The following SCN1A variants were observed in gnomAD, a reference collection of about 807,000 sequenced individuals.
SCN1A encodes sodium channel protein type 1 subunit alpha.
A neutral mutation model predicts 193.7 loss-of-function variants in SCN1A; 13 were observed. The ratio of observed to expected loss-of-function variants is 0.07; its 90% CI spans 0.04 to 0.11. The LOEUF (loss-of-function observed/expected upper bound fraction) is 0.11. SCN1A is among the 10% of genes least tolerant of loss of function. The pLI is 1.00. For synonymous variants in SCN1A, 781 were observed against 843.6 expected (o/e 0.93, Z 1.29); for missense variants, 1,432 against 2,451.1 (o/e 0.58, Z 8.78).
chr2:166,122,698 C>T (rs1299051696), intron 2 of SCN1A, among the ~76,000 whole-genome samples: 4 of 152,058 alleles, frequency 2.6e-5, no homozygotes, highest in Admixed American at 6.5e-5. Flanking sequence ...TGCTGAACCC[C>T]TACCTCACAT....
intron 24 of SCN1A, among the ~76,000 whole-genome samples, chr2:166,000,725 A>AAG (rs374979320): frequency 1.3e-5 from 2 of 151,684 alleles, no homozygotes; most frequent in Non-Finnish European, 3.0e-5. Flanking sequence ...TTGTATATGA[A>AAG]AGAGAGAGAG....
At chr2:166,099,028 C>T (rs1381372000) in intron 2 of SCN1A, among the ~76,000 whole-genome samples, 2 of 152,052 alleles carry the variant, frequency 1.3e-5, no homozygotes, top group Non-Finnish European at 2.9e-5. Flanking sequence ...TCATATAAAA[C>T]CCAAAAAGAT....
intron 24 of SCN1A, among the ~76,000 whole-genome samples, chr2:166,001,242 C>T (rs1490122507): frequency 1.3e-5 from 2 of 151,722 alleles, no homozygotes; most frequent in African/African-American, 4.8e-5. Context: ...CCAGCTTTGG[C>T]CTCCCAAAGA....
At chr2:166,136,560 G>T (rs568396669) in intron 1 of SCN1A, among the ~76,000 whole-genome samples, 3 of 151,878 alleles carry the variant, frequency 2.0e-5, no homozygotes, top group Non-Finnish European at 4.4e-5. Flanking sequence ...CTCCTCTCTT[G>T]GGCATCACAA....
chr2:166,015,920 A>G (rs1452051974), intron 19 of SCN1A, 193 bp from the exon 20 acceptor site: 1 of 606,720 alleles, frequency 1.6e-6, no homozygotes, highest in Non-Finnish European at 2.8e-6. Context: ...ACCATAATTC[A>G]CAATGTAAGC....
rs908195203 is a variant in SCN1A, at chr2:166,134,588, C to T, written c.-50+14459G>A. 3.9e-5 allele frequency among the ~76,000 whole-genome samples: 6 copies of T among 152,272 alleles called. No homozygotes were observed. In the East Asian group the frequency reaches 5.8e-4, roughly 15 times the overall value. ...CACAAAGTACTCAAGCCCAAGGGCACGAGCTCTGGGTATGCAGAGTGTAGC... is the reference window on the plus strand; with the variant it reads ...CACAAAGTACTCAAGCCCAAGGGCATGAGCTCTGGGTATGCAGAGTGTAGC... On this transcript the variant is annotated intron_variant, in intron 1 of 26. Transcript: ENST00000635750.
rs79269119 is a variant in SCN1A, at chr2:166,134,445, G to A, written c.-50+14602C>T. ...TGACAGAGAGATGGATGTGATGAAG[G>A]GTATGAATGCAGTTACTGTTTAAGA... On this transcript the variant is annotated intron_variant, in intron 1 of 26. Coordinates refer to the SCN1A transcript ENST00000635750. 7.1e-3 allele frequency among the ~76,000 whole-genome samples: 1,081 copies of A among 152,306 alleles called. 18 individuals are homozygous for A. Among genetic ancestry groups the A allele is most frequent in the African/African-American group, 0.025 (1,028 of 41,576 alleles).
In SCN1A at chr2:165,991,823, C is replaced by T. The variant is rs747251662; in HGVS notation, c.5452G>A (p.Asp1818Asn). ...TCAAATTCCATGAACTGAGTTGCAT[C>T]GGGATCAAACTTCTCCCAAACCTCA... ...FYEVWEKFDP[D>N]ATQFMEFEKL... The change falls in exon 29 of 29, where the codon GAT becomes AAT. Residue 1818 changes from aspartate to asparagine, a missense_variant. Around this residue, in one of 18 missense-constraint regions of SCN1A, gnomAD observed 59 missense variants for 110.6 expected, o/e 0.53. Coordinates refer to ENST00000674923, the MANE Select transcript of SCN1A (RefSeq NM_001165963.4). 2.5e-6 allele frequency: 4 copies of T among 1,613,792 alleles called. No individual in the cohort carries two copies. The Admixed American group carries it at 5.0e-5, about 20-fold the overall frequency.
chr2:166,126,065 A>C (rs1053583377), intron 2 of SCN1A, among the ~76,000 whole-genome samples: 3 of 152,216 alleles, frequency 2.0e-5, no homozygotes, highest in Non-Finnish European at 2.9e-5. Context: ...ATGAAAACTA[A>C]TTCCATTGCT....
At chr2:166,117,484 T>G (rs561290303) in intron 2 of SCN1A, among the ~76,000 whole-genome samples, 2 of 152,350 alleles carry the variant, frequency 1.3e-5, no homozygotes, top group African/African-American at 4.8e-5. Context: ...TGAATTACAG[T>G]GAAGAATACA....
intron 21 of SCN1A, among the ~76,000 whole-genome samples, chr2:166,012,747 CT>C (rs989806233): frequency 3.4e-5 from 5 of 147,644 alleles, no homozygotes; most frequent in South Asian, 2.1e-4. Flanking sequence ...TCATCTGCTT[CT>C]TTTTTGTTGT....
At chr2:166,072,361 A>G (rs1175398412) in intron 4 of SCN1A, among the ~76,000 whole-genome samples, 2 of 152,184 alleles carry the variant, frequency 1.3e-5, no homozygotes, top group African/African-American at 4.8e-5. Context: ...AGTCATAATG[A>G]ACGGTTGGAT....
chr2:166,063,198 TA>T (rs980097471), intron 4 of SCN1A, among the ~76,000 whole-genome samples: 5 of 152,148 alleles, frequency 3.3e-5, no homozygotes, highest in African/African-American at 1.2e-4. Flanking sequence ...AACATCATTT[TA>T]ACACGTGGAT....
At chr2:166,022,027 A>G (rs890011732) in intron 19 of SCN1A, among the ~76,000 whole-genome samples, 1 of 152,206 alleles carries the variant, frequency 6.6e-6, no homozygotes, top group African/African-American at 2.4e-5. Context: ...TAAGTTTGGG[A>G]ACAATTTCAG....
chr2:166,089,075 T>C (rs1686470729), intron 2 of SCN1A, among the ~76,000 whole-genome samples: 1 of 152,214 alleles, frequency 6.6e-6, no homozygotes, highest in African/African-American at 2.4e-5. Flanking sequence ...ACTTGCAGGT[T>C]TGTTACATAG....
At chr2:166,066,304 G>A (rs1683837256) in intron 4 of SCN1A, among the ~76,000 whole-genome samples, 1 of 152,152 alleles carries the variant, frequency 6.6e-6, no homozygotes, top group African/African-American at 2.4e-5. Context: ...TATATGGTCA[G>A]TTAATTTTTC....
intron 2 of SCN1A, among the ~76,000 whole-genome samples, chr2:166,109,245 C>T (rs1321132385): frequency 6.6e-6 from 1 of 152,022 alleles, no homozygotes; most frequent in Non-Finnish European, 1.5e-5. Context: ...ATTTTGGATC[C>T]TACTCTGACT....
At position 165,991,929 on chromosome 2, in the gene SCN1A, G is replaced by A. The variant is rs121918763; in HGVS notation, c.5346C>T (p.Ile1782=). The part of the protein sequence containing the change: ...ISFLVVVNMY[I]AVILENFSVA... ...CACTGAAGTTCTCCAGGATGACCGC[G>A]ATGTACATGTTCACCACAACCAGGA... Residue 1782 remains isoleucine, a synonymous_variant, in exon 29 of 29, where the codon ATC becomes ATT. Coordinates refer to ENST00000674923, the MANE Select transcript of SCN1A (RefSeq NM_001165963.4). 43 of 1,613,718 alleles carry A rather than the reference G, an allele frequency of 2.7e-5. No individual in the cohort carries two copies. Among genetic ancestry groups the A allele is most frequent in the Non-Finnish European group, 3.3e-5 (39 of 1,179,922 alleles).
At position 166,042,389 on chromosome 2, in the gene SCN1A, CCTT is replaced by C. The variant is rs1697291099; in HGVS notation, c.2076_2078del (p.Arg693del). Reference sequence around the variant, plus strand: ...CCATGGAAACGTGGAAAGAACTTGACCTTCTCTTTCTCATTTCAGTTTCAGTGG... The same window carrying C: ...CCATGGAAACGTGGAAAGAACTTGACCTCTTTCTCATTTCAGTTTCAGTGG... On this transcript the variant is annotated inframe_deletion, in exon 15 of 29. Transcript: ENST00000674923. 1.2e-6 allele frequency: 2 copies of C among 1,613,844 alleles called. No individual in the cohort carries two copies. Among genetic ancestry groups the C allele is most frequent in the Admixed American group, 1.7e-5 (1 of 60,010 alleles).
Sources: gnomAD v4.1 joint callset for allele counts (sites outside exome capture counted in the v4.1 genomes callset) on GRCh38, gnomAD v4.1.1 for gene constraint, gnomAD v4.1.1 regional missense constraint, MANE v1.5 for transcripts, NCBI Gene and HGNC (gene_info 2026-07-23, HGNC 2026-07-21) for gene names.